Variants in MACROD2 observed in about 807,000 individuals in gnomAD.
MACROD2 encodes mono-ADP ribosylhydrolase 2, also known as ADP-ribose glycohydrolase MACROD2.
In MACROD2, 36 loss-of-function variants were observed where a neutral mutation model predicts 70.4. That is an observed-to-expected ratio of 0.51 (90% CI 0.39 to 0.68). The LOEUF (loss-of-function observed/expected upper bound fraction) is 0.68. MACROD2 is among the 30% of genes least tolerant of loss of function. The pLI is 0.00. For missense variants in MACROD2, 496 were observed against 538.4 expected (o/e 0.92, Z 0.78); for synonymous variants, 172 against 178.8 (o/e 0.96, Z 0.30).
intron 8 of MACROD2, among the ~76,000 whole-genome samples, chr20:15,699,922 G>C (rs1040737415): frequency 8.5e-5 from 13 of 152,120 alleles, no homozygotes; most frequent in African/African-American, 2.9e-4. Context: ...GAAGCCCCCA[G>C]GGCCTTTCTG....
intron 8 of MACROD2, among the ~76,000 whole-genome samples, chr20:15,644,777 C>T (rs1266657693): frequency 6.6e-6 from 1 of 152,174 alleles, no homozygotes; most frequent in Non-Finnish European, 1.5e-5. Context: ...GCAACCTCCG[C>T]CTCCCAGGCT....
In MACROD2 at chr20:14,885,688, C is replaced by T. The variant is rs569247027; in HGVS notation, c.418+200729C>T. On this transcript the variant is annotated intron_variant, in intron 5 of 17. Coordinates refer to ENST00000684519, the MANE Select transcript of MACROD2 (RefSeq NM_001351661.2). ...TGTTATCTCCTATTGAACCTTTGGC[C>T]CTTAGCCTTCAGCTTTACCAAAATC... 7.9e-5 allele frequency among the ~76,000 whole-genome samples: 12 copies of T among 152,282 alleles called. No individual in the cohort carries two copies. In the South Asian group the frequency reaches 2.5e-3, roughly 32 times the overall value.
At chr20:15,370,519 C>G (rs2045477156) in intron 6 of MACROD2, among the ~76,000 whole-genome samples, 1 of 151,836 alleles carries the variant, frequency 6.6e-6, no homozygotes, top group Admixed American at 6.6e-5. Context: ...ATTTTATTGA[C>G]CAATGTTGTC....
intron 3 of MACROD2, among the ~76,000 whole-genome samples, chr20:14,291,178 A>G (rs150488127): frequency 3.3e-5 from 5 of 152,344 alleles, no homozygotes; most frequent in Non-Finnish European, 5.9e-5. Flanking sequence ...TCTGACAAAT[A>G]TTAGATAAGA....
chr20:15,249,980 T>C (rs1276359133), intron 6 of MACROD2, among the ~76,000 whole-genome samples: 1 of 152,240 alleles, frequency 6.6e-6, no homozygotes, highest in African/African-American at 2.4e-5. Context: ...CCTTACTACG[T>C]TGTTTAGACT....
rs145586711 is a variant in MACROD2, at chr20:15,406,186, G to A, written c.541-25219G>A. ...CCCAGTGAGGTAGTTTGATGCCGTTGTCATTTACATTTGAATCACCTGCAA... is the reference window on the plus strand; with the variant it reads ...CCCAGTGAGGTAGTTTGATGCCGTTATCATTTACATTTGAATCACCTGCAA... On this transcript the variant is annotated intron_variant, in intron 6 of 17. Transcript: ENST00000684519. Among the ~76,000 whole-genome samples, 673 of 152,296 alleles carry A rather than the reference G, an allele frequency of 4.4e-3. 2 individuals carry two copies. Among genetic ancestry groups the A allele is most frequent in the Non-Finnish European group, 6.9e-3 (470 of 68,030 alleles).
chr20:14,314,804 A>T (rs914054182), intron 3 of MACROD2, among the ~76,000 whole-genome samples: 2 of 151,998 alleles, frequency 1.3e-5, no homozygotes, highest in African/African-American at 2.4e-5. Context: ...AAAATTTTTT[A>T]GGCACTTTGA....
At chr20:14,741,534 T>G (rs2071732158) in intron 5 of MACROD2, among the ~76,000 whole-genome samples, 1 of 152,132 alleles carries the variant, frequency 6.6e-6, no homozygotes, top group Admixed American at 6.5e-5. Context: ...GGTAATTTAA[T>G]GAAATATATT....
intron 6 of MACROD2, among the ~76,000 whole-genome samples, chr20:15,371,870 C>G (rs1330445775): frequency 6.6e-6 from 1 of 152,112 alleles, no homozygotes; most frequent in Non-Finnish European, 1.5e-5. Context: ...CACAACTACT[C>G]TTTTTAATTT....
At chr20:15,863,699 G>A (rs986715548) in intron 9 of MACROD2, among the ~76,000 whole-genome samples, 3 of 152,184 alleles carry the variant, frequency 2.0e-5, no homozygotes, top group African/African-American at 7.2e-5. Context: ...ACTCTGGCAG[G>A]TGGGATGGAG....
intron 6 of MACROD2, among the ~76,000 whole-genome samples, chr20:15,275,879 T>G (rs1483587192): frequency 6.6e-6 from 1 of 152,144 alleles, no homozygotes; most frequent in African/African-American, 2.4e-5. Flanking sequence ...CTCCCTTCAC[T>G]ATCACTGAAG....
At chr20:15,194,494 C>T (rs116146032) in intron 5 of MACROD2, among the ~76,000 whole-genome samples, 1,938 of 152,058 alleles carry the variant, frequency 0.013, 37 homozygotes, top group African/African-American at 0.043. Context: ...ATAACGCAAA[C>T]AATTCTAGTA....
chr20:14,324,795 C>G (rs1187040278), intron 3 of MACROD2: 1 of 152,124 alleles, frequency 6.6e-6, no homozygotes, highest in Non-Finnish European at 1.5e-5. Context: ...ACATTTTCCC[C>G]CCAACTTGGA....
At chr20:14,639,266 T>A (rs1283775203) in intron 4 of MACROD2, among the ~76,000 whole-genome samples, 1 of 152,180 alleles carries the variant, frequency 6.6e-6, no homozygotes, top group Non-Finnish European at 1.5e-5. Context: ...TAATTTTTTT[T>A]AATATATAGA....
chr20:14,755,993 A>G (rs919274778), intron 5 of MACROD2, among the ~76,000 whole-genome samples: 2 of 152,082 alleles, frequency 1.3e-5, no homozygotes, highest in Non-Finnish European at 2.9e-5. Context: ...AATTTCATTA[A>G]TTCATTCTGT....
rs78765012 is a variant in MACROD2 at position 14,278,011 on chromosome 20, G to A, written c.271+192283G>A. On this transcript the variant is annotated intron_variant, in intron 3 of 17. Coordinates refer to ENST00000684519, the MANE Select transcript of MACROD2 (RefSeq NM_001351661.2). ...AAGAATCTGGATACTTAGTTTGCCT[G>A]AGGGAACAAATATTTGGAAAGGGCT... is the stretch of plus-strand genomic sequence containing the variant. Among the ~76,000 whole-genome samples, 1,521 of 152,316 alleles carry A rather than the reference G, an allele frequency of 1.0e-2. 71 individuals carry two copies. The East Asian group carries it at 0.12, about 12-fold the overall frequency.
Position 14,715,254 on chromosome 20 carries a change from C to A in MACROD2, c.418+30295C>A, listed in dbSNP as rs1600577396. The stretch of plus-strand genomic sequence containing the variant: ...GACTTACTATCACAATAATAGCATG[C>A]AGAAAACTGTCTCCATGATTCAATT... On this transcript the variant is annotated intron_variant, in intron 5 of 17. Transcript: ENST00000684519. Among the ~76,000 whole-genome samples the A allele has an allele frequency of 3.3e-5, 5 of 152,076 alleles. No homozygotes were observed. In the East Asian group the frequency reaches 9.6e-4, roughly 29 times the overall value.
intron 8 of MACROD2, among the ~76,000 whole-genome samples, chr20:15,747,274 G>C (rs931031133): frequency 1.3e-5 from 2 of 152,100 alleles, no homozygotes; most frequent in Non-Finnish European, 2.9e-5. Context: ...CCAGCTGATG[G>C]CACCTGAGTC....
Position 15,642,224 on chromosome 20 carries a change from G to A in MACROD2, c.645+142377G>A, listed in dbSNP as rs191366052. Among the ~76,000 whole-genome samples the A allele has an allele frequency of 4.7e-3, 718 of 152,156 alleles. 3 individuals are homozygous for A. Among genetic ancestry groups the A allele is most frequent in the Non-Finnish European group, 8.3e-3 (562 of 68,014 alleles). The stretch of plus-strand genomic sequence containing the variant: ...GTAGCTCATTTCTAGACAATGGAGG[G>A]GATTGTGGCAATAGTTCAGCATCTG... On this transcript the variant is annotated intron_variant, in intron 8 of 17. Transcript: ENST00000684519.
Sources: allele counts gnomAD v4.1 joint callset (sites outside exome capture counted in the v4.1 genomes callset), GRCh38; gene constraint gnomAD v4.1.1; transcripts MANE v1.5; gene names NCBI Gene and HGNC (gene_info 2026-07-23, HGNC 2026-07-21).